The following HIF3A variants were observed in gnomAD, a reference collection of about 807,000 sequenced individuals.
The protein encoded by HIF3A is hypoxia inducible factor 3 subunit alpha.
In HIF3A, 41 loss-of-function variants were observed where a neutral mutation model predicts 67.2. The observed-to-expected ratio is 0.61, with a 90% CI of 0.48 to 0.79. The LOEUF is 0.79. HIF3A is among the 30% of genes least tolerant of loss of function. The pLI is 0.00. For missense variants in HIF3A, 855 were observed against 898.0 expected, an observed-to-expected ratio of 0.95 and a Z score of 0.61; for synonymous variants, 356 against 374.8, an observed-to-expected ratio of 0.95 and a Z score of 0.58.
chr19:46,322,276 C>T (rs1320920761), intron 10 of HIF3A, among the ~76,000 whole-genome samples: 3 of 151,986 alleles, frequency 2.0e-5, no homozygotes, highest in Non-Finnish European at 4.4e-5. Flanking sequence ...GCAGTTTTTC[C>T]CACACACCAA....
Position 46,320,475 on chromosome 19 carries a change from T to A in HIF3A, c.1058T>A (p.Leu353Gln), listed in dbSNP as rs1303700300. 6.2e-7 allele frequency: 1 copy of A among 1,614,120 alleles called. No homozygotes were observed. Among genetic ancestry groups the A allele is most frequent in the South Asian group, 1.1e-5 (1 of 91,080 alleles). ...GAAGAGACCGGAGTGGTGCTGTCCC[T>A]GGAGCAAACGGAGCAACACTCTCGC... ...QVEETGVVLS[L>Q]EQTEQHSRRP... Residue 353 changes from leucine (L) to glutamine (Q), a missense_variant, in exon 9 of 15, where the codon CTG becomes CAG. Leu to Gln is a moderately radical substitution (Grantham distance 113, BLOSUM62 -2). This residue lies in a region of HIF3A where 638 missense variants were observed against 660.5 expected (regional missense o/e 0.97). Transcript: ENST00000377670.
At chr19:46,298,717 G>A (rs1345004157) in intron 1 of HIF3A, among the ~76,000 whole-genome samples, 2 of 152,182 alleles carry the variant, frequency 1.3e-5, no homozygotes, top group African/African-American at 2.4e-5. Context: ...CTTGAGAACA[G>A]GCAGAGTCGG....
chr19:46,335,659 C>A (rs1650721875), intron 14 of HIF3A, among the ~76,000 whole-genome samples: 1 of 151,996 alleles, frequency 6.6e-6, no homozygotes, highest in African/African-American at 2.4e-5. Flanking sequence ...TCACTTGAGC[C>A]TGGGAGTTCA....
chr19:46,337,929 G>A (rs895843015), intron 14 of HIF3A, among the ~76,000 whole-genome samples: 14 of 152,168 alleles, frequency 9.2e-5, no homozygotes, highest in African/African-American at 3.4e-4. Flanking sequence ...GGGCTGTCTG[G>A]GTCCCTGCTG....
At chr19:46,301,820 TC>T (rs1249555162) in intron 1 of HIF3A, among the ~76,000 whole-genome samples, 9 of 125,860 alleles carry the variant, frequency 7.2e-5, no homozygotes, top group Non-Finnish European at 1.1e-4. Context: ...AAACTCCGTC[TC>T]AAAAAAAAAA....
intron 13 of HIF3A, 54 bp from the exon 14 acceptor site, chr19:46,334,851 T>C: frequency 6.8e-7 from 1 of 1,469,030 alleles, no homozygotes; most frequent in Non-Finnish European, 9.5e-7. Context: ...TCCCGGCTGT[T>C]CCTTGGATAC....
chr19:46,314,970 G>T (rs988318845), intron 8 of HIF3A, among the ~76,000 whole-genome samples: 3 of 147,188 alleles, frequency 2.0e-5, no homozygotes, highest in African/African-American at 7.4e-5. Context: ...TTTCCAGAGG[G>T]TCACATACAG....
At chr19:46,339,448 C>A in intron 14 of HIF3A, 77 bp from the exon 15 acceptor site, 1 of 907,034 alleles carries the variant, frequency 1.1e-6, no homozygotes, top group Middle Eastern at 2.3e-4. Context: ...TTATTCCTGA[C>A]ATTGGGGTTA....
intron 14 of HIF3A, among the ~76,000 whole-genome samples, chr19:46,336,905 T>G (rs192519205): frequency 7.9e-5 from 12 of 152,278 alleles, no homozygotes; most frequent in African/African-American, 2.6e-4. Flanking sequence ...GAGAATCACT[T>G]GAGCCCAGGA....
At chr19:46,317,708 A>T (rs147067793) in intron 8 of HIF3A, among the ~76,000 whole-genome samples, 17 of 152,242 alleles carry the variant, frequency 1.1e-4, no homozygotes, top group African/African-American at 3.6e-4. Flanking sequence ...CTTTTGCACC[A>T]GAGCACTTAA....
Position 46,320,470 on chromosome 19 carries a change from G to C in HIF3A, c.1053G>C (p.Leu351=). 7.4e-6 allele frequency: 12 copies of C among 1,614,128 alleles called. No homozygotes were observed. Among genetic ancestry groups the C allele is most frequent in the Non-Finnish European group, 1.0e-5 (12 of 1,179,994 alleles). Residue 351 remains leucine (L), a synonymous_variant, in exon 9 of 15, where the codon CTG becomes CTC. Coordinates refer to ENST00000377670, the MANE Select transcript of HIF3A (RefSeq NM_152795.4). ...AGGTGGAAGAGACCGGAGTGGTGCT[G>C]TCCCTGGAGCAAACGGAGCAACACT... ...ISQVEETGVV[L]SLEQTEQHSR... is the part of the protein sequence containing the mutation.
Position 46,312,721 on chromosome 19 carries a change from G to C in HIF3A, c.1025+68G>C. On this transcript the variant is annotated intron_variant, in intron 8 of 14. Transcript: ENST00000377670. Reference sequence around the variant, plus strand: ...TCTGCATGTGTGGACAGGTGTGTGTGTGTGTGTGTGTGTGTGCGTATGAGC... The same window carrying C: ...TCTGCATGTGTGGACAGGTGTGTGTCTGTGTGTGTGTGTGTGCGTATGAGC... 2.0e-6 allele frequency: 3 copies of C among 1,505,108 alleles called. No individual in the cohort carries two copies. In the East Asian group the frequency reaches 6.9e-5, roughly 34 times the overall value. The allele number at this position is 1,505,108 out of a possible 1,614,324, so 93.2% of individuals were successfully genotyped here.
At chr19:46,304,558 G>A (rs560461301) in intron 2 of HIF3A, among the ~76,000 whole-genome samples, 1 of 152,036 alleles carries the variant, frequency 6.6e-6, no homozygotes, top group East Asian at 1.9e-4. Flanking sequence ...TGTTCTCTTA[G>A]TAGGCATCTC....
At chr19:46,313,909 C>G (rs140070714) in intron 8 of HIF3A, among the ~76,000 whole-genome samples, 1 of 151,976 alleles carries the variant, frequency 6.6e-6, no homozygotes, top group African/African-American at 2.4e-5. Flanking sequence ...TGATCCACCC[C>G]CCTCAGCCTC....
At position 46,329,487 on chromosome 19, in the gene HIF3A, C is replaced by T. The variant is rs529940086; in HGVS notation, c.1712+9C>T. 13 of 1,505,034 alleles carry T rather than the reference C, an allele frequency of 8.6e-6. No individual in the cohort carries two copies. In the South Asian group the frequency reaches 1.2e-4, roughly 14 times the overall value. 93.2% of individuals were successfully genotyped at this position (1,505,034 alleles called of 1,614,324 possible). Reference sequence around the variant, plus strand: ...GCTGGGGCTCGGAAGAGGTGAGCCACAGTAAAGGGGGGACATCAAGGCAGC... The same window carrying T: ...GCTGGGGCTCGGAAGAGGTGAGCCATAGTAAAGGGGGGACATCAAGGCAGC... On this transcript the variant is annotated intron_variant, in intron 12 of 14. Transcript: ENST00000377670.
Position 46,302,431 on chromosome 19 carries a change from G to A in HIF3A, c.27-1467G>A, listed in dbSNP as rs1968424003. ...AGGCGTGAGCCACTGCGCCCGGCCT[G>A]TTTTTTGTCTTTTTTTAGAGACGGA... On this transcript the variant is annotated intron_variant, in intron 1 of 14. Transcript: ENST00000377670. 2.7e-5 allele frequency among the ~76,000 whole-genome samples: 4 copies of A among 150,360 alleles called. No individual in the cohort carries two copies. In the South Asian group the frequency reaches 8.4e-4, roughly 32 times the overall value.
At position 46,318,500 on chromosome 19, in the gene HIF3A, G is replaced by A. The variant is rs559229890; in HGVS notation, c.1026-1943G>A. The stretch of plus-strand genomic sequence containing the variant: ...GGAGATTGAGGCTGCAGTGAGCCGA[G>A]ATCGCACCACTGCACTCCAGCCTGA... On this transcript the variant is annotated intron_variant, in intron 8 of 14. Coordinates refer to ENST00000377670, the MANE Select transcript of HIF3A (RefSeq NM_152795.4). Among the ~76,000 whole-genome samples, 48 of 122,274 alleles carry A rather than the reference G, an allele frequency of 3.9e-4. 1 individual carries two copies. The highest frequency in any genetic ancestry group is 1.4e-3 in the South Asian group (5 of 3,470). The allele number at this position is 122,274 out of a possible 152,430, so 80.2% of individuals were successfully genotyped here. A position where few individuals can be genotyped will look rare whatever the true frequency, so the allele number is the denominator to read the frequency against.
intron 14 of HIF3A, chr19:46,338,386 A>G (rs1971780503): frequency 7.6e-6 from 3 of 393,264 alleles, no homozygotes; most frequent in Non-Finnish European, 9.9e-6. Context: ...TATGTTTTGT[A>G]GAGACGAGGT....
At chr19:46,298,528 C>G (rs1276584964) in intron 1 of HIF3A, 6 of 1,265,814 alleles carry the variant, frequency 4.7e-6, no homozygotes, top group Non-Finnish European at 5.1e-6. Flanking sequence ...AGTGGGCCCC[C>G]AACACCTCCT....
Sources: allele counts gnomAD v4.1 joint callset (sites outside exome capture counted in the v4.1 genomes callset), GRCh38; gene constraint gnomAD v4.1.1; regional missense constraint gnomAD v4.1.1; transcripts MANE v1.5; gene names NCBI Gene and HGNC (gene_info 2026-07-23, HGNC 2026-07-21).